Variants in CARMIL1 observed in about 807,000 individuals in gnomAD.
The protein encoded by CARMIL1 is F-actin-uncapping protein LRRC16A.
CARMIL1 carries 90 observed loss-of-function variants against 177.1 expected under a neutral mutation model. The ratio of observed to expected loss-of-function variants is 0.51; its 90% CI spans 0.43 to 0.61. The LOEUF is 0.61. Ranked by LOEUF, CARMIL1 falls within the 20% of genes least tolerant of loss-of-function variation. The pLI is 0.00. For synonymous variants in CARMIL1, 577 were observed against 606.2 expected (o/e 0.95, Z 0.71); for missense variants, 1,380 against 1,667.0 (o/e 0.83, Z 3.00).
chr6:25,472,376 C>T (rs189262298), intron 10 of CARMIL1, 51 bp from the exon 11 acceptor site: 21 of 1,243,732 alleles, frequency 1.7e-5, no homozygotes, highest in African/African-American at 1.6e-4. Context: ...ATGTTCCGTT[C>T]GAATGGTTTT....
chr6:25,421,239 A>T (rs1032285571), intron 3 of CARMIL1, among the ~76,000 whole-genome samples: 1 of 152,260 alleles, frequency 6.6e-6, no homozygotes, highest in Non-Finnish European at 1.5e-5. Context: ...TTCTCAAAAG[A>T]AGACATTTAT....
chr6:25,390,320 A>ATATATATATATATATATT (rs1554184839), intron 2 of CARMIL1, among the ~76,000 whole-genome samples: 1 of 58,102 alleles, frequency 1.7e-5, no homozygotes, highest in African/African-American at 6.2e-5. Flanking sequence ...ATATATATAT[A>ATATATATATATATATATT]TTTTTTTTTT....
intron 2 of CARMIL1, among the ~76,000 whole-genome samples, chr6:25,348,642 C>T (rs1299114418): frequency 6.6e-6 from 1 of 151,636 alleles, no homozygotes; most frequent in Admixed American, 6.6e-5. Context: ...ATTAGCTGGG[C>T]GTGGCTGCGT....
intron 3 of CARMIL1, among the ~76,000 whole-genome samples, chr6:25,421,895 T>C (rs1007633602): frequency 3.7e-5 from 5 of 135,720 alleles, no homozygotes; most frequent in African/African-American, 1.3e-4. Context: ...GGGGGAGGGA[T>C]AGCATTAGGA....
intron 2 of CARMIL1, among the ~76,000 whole-genome samples, chr6:25,359,499 A>G (rs1788973056): frequency 6.6e-6 from 1 of 152,248 alleles, no homozygotes; most frequent in African/African-American, 2.4e-5. Context: ...GACACTCAGC[A>G]GAGCGTAACT....
At chr6:25,378,862 G>A (rs2150474391) in intron 2 of CARMIL1, among the ~76,000 whole-genome samples, 1 of 150,488 alleles carries the variant, frequency 6.6e-6, no homozygotes, top group African/African-American at 2.5e-5. Context: ...CATGCTCACA[G>A]TGCCTCCAAT....
chr6:25,528,721 G>A, intron 23 of CARMIL1, 74 bp from the exon 24 acceptor site: 2 of 1,118,066 alleles, frequency 1.8e-6, no homozygotes, highest in Non-Finnish European at 2.7e-6. Context: ...TTCGGCAACT[G>A]ACTGTTTCAC....
chr6:25,351,655 C>T (rs1788108751), intron 2 of CARMIL1, among the ~76,000 whole-genome samples: 1 of 152,178 alleles, frequency 6.6e-6, no homozygotes, highest in South Asian at 2.1e-4. Flanking sequence ...CACAATGGTT[C>T]AGAACAAGGG....
chr6:25,601,811 CCT>C (rs1005088008), intron 33 of CARMIL1, among the ~76,000 whole-genome samples: 11 of 152,228 alleles, frequency 7.2e-5, no homozygotes, highest in African/African-American at 2.6e-4. Context: ...TCTTTTTACC[CCT>C]GTTTTCTCTT....
At chr6:25,588,220 G>A (rs1236598473) in intron 31 of CARMIL1, among the ~76,000 whole-genome samples, 3 of 152,062 alleles carry the variant, frequency 2.0e-5, no homozygotes, top group Admixed American at 6.6e-5. Context: ...AGTCCCCCTC[G>A]GATACTGAAG....
In CARMIL1 at chr6:25,537,909, T is replaced by G; in HGVS notation, c.2122T>G (p.Cys708Gly). The G allele has an allele frequency of 6.2e-7, 1 of 1,609,098 alleles. No individual in the cohort carries two copies. Among genetic ancestry groups the G allele is most frequent in the Non-Finnish European group, 8.5e-7 (1 of 1,177,824 alleles). The stretch of plus-strand genomic sequence containing the variant: ...AGATCATCTCAACTCCTTACGAAAT[T>G]GTGGGGGAGACGCTATCCAGGAAGA... Reference protein sequence around the residue: ...VQDHLNSLRNCGGDAIQEDLK... With the variant: ...VQDHLNSLRNGGGDAIQEDLK... Residue 708 changes from cysteine to glycine, a missense_variant, in exon 25 of 37, where the codon TGT becomes GGT. Physicochemically the swap from Cys to Gly is radical, Grantham distance 159 (BLOSUM62 -3). Transcript: ENST00000329474.
chr6:25,574,188 A>G (rs753577035), intron 29 of CARMIL1, among the ~76,000 whole-genome samples: 12 of 152,254 alleles, frequency 7.9e-5, no homozygotes, highest in Non-Finnish European at 1.8e-4. Flanking sequence ...GAGTGTCTGC[A>G]GAATAGTAAG....
chr6:25,594,557 C>A, intron 32 of CARMIL1, 30 bp downstream of exon 32: 1 of 1,160,996 alleles, frequency 8.6e-7, no homozygotes, highest in Non-Finnish European at 1.3e-6. Context: ...ACTGATAATG[C>A]TATTTTATTC....
At chr6:25,505,643 G>A (rs553564903) in intron 17 of CARMIL1, among the ~76,000 whole-genome samples, 1 of 152,010 alleles carries the variant, frequency 6.6e-6, no homozygotes, top group African/African-American at 2.4e-5. Flanking sequence ...AGTAGAGATG[G>A]GGTTTTACCA....
rs1034616794 is a variant in CARMIL1 at position 25,509,835 on chromosome 6, A to G, written c.1477+98A>G. ...CTACCCAAATCCAAACAATAGCTTA[A>G]TAAAAAAATTGTTTTTTATTTTTTG... is the stretch of plus-strand genomic sequence containing the variant. On this transcript the variant is annotated intron_variant, in intron 18 of 36. Coordinates refer to ENST00000329474, the MANE Select transcript of CARMIL1 (RefSeq NM_017640.6). This position sits in a 1 kb window ranked among gnomAD's most constrained non-coding sequence, Gnocchi z 4.1. 116 of 810,784 alleles carry G rather than the reference A, an allele frequency of 1.4e-4. No homozygotes were observed. The highest frequency in any genetic ancestry group is 2.5e-5 in the Non-Finnish European group (13 of 512,826). 50.2% of individuals were successfully genotyped at this position (810,784 alleles called of 1,614,324 possible).
At chr6:25,354,651 G>A (rs1788407459) in intron 2 of CARMIL1, among the ~76,000 whole-genome samples, 1 of 150,036 alleles carries the variant, frequency 6.7e-6, no homozygotes, top group Admixed American at 6.7e-5. Context: ...GGGTGGTGAA[G>A]TGAAAAGATA....
Position 25,577,008 on chromosome 6 carries a change from G to A in CARMIL1, c.2743-3916G>A. 3.0e-6 allele frequency: 3 copies of A among 984,890 alleles called. No individual in the cohort carries two copies. Among genetic ancestry groups the A allele is most frequent in the Non-Finnish European group, 3.6e-6 (3 of 829,822 alleles). 61.0% of individuals were successfully genotyped at this position (984,890 alleles called of 1,614,324 possible). ...GCTGTACAAGTGTAAGTATTTTTTG[G>A]TGGCTCTGCGGTTTCTGGCTGTACT... On this transcript the variant is annotated intron_variant, in intron 29 of 36. Coordinates refer to ENST00000329474, the MANE Select transcript of CARMIL1 (RefSeq NM_017640.6). This position sits in a 1 kb window ranked among gnomAD's most constrained non-coding sequence, Gnocchi z 4.5.
At chr6:25,332,773 G>GCACACACACACA (rs376381821) in intron 2 of CARMIL1, among the ~76,000 whole-genome samples, 12 of 104,374 alleles carry the variant, frequency 1.1e-4, no homozygotes, top group African/African-American at 2.4e-4. Context: ...ACACACACAC[G>GCACACACACACA]CGCACACACA....
At chr6:25,433,042 T>C (rs1473422693) in intron 4 of CARMIL1, 1 of 152,238 alleles carries the variant, frequency 6.6e-6, no homozygotes, top group Admixed American at 6.5e-5. Flanking sequence ...TCTTTTTTTC[T>C]TTTTTGATGA....
Sources: allele counts gnomAD v4.1 joint callset (sites outside exome capture counted in the v4.1 genomes callset), GRCh38; gene constraint gnomAD v4.1.1; non-coding constraint Gnocchi (gnomAD v3.1); transcripts MANE v1.5; gene names NCBI Gene and HGNC (gene_info 2026-07-23, HGNC 2026-07-21).